UNC45A: variants seen among roughly 807,000 people sequenced by gnomAD.
The protein encoded by UNC45A is protein unc-45 homolog A.
A neutral mutation model predicts 103.2 loss-of-function variants in UNC45A; 78 were observed. The ratio of observed to expected loss-of-function variants is 0.76; its 90% CI spans 0.63 to 0.91. The LOEUF is 0.91. Ranked by LOEUF, UNC45A falls within the 40% of genes least tolerant of loss-of-function variation. The pLI is 0.00. For synonymous variants in UNC45A, 495 were observed against 504.6 expected, an observed-to-expected ratio of 0.98 and a Z score of 0.25; for missense variants, 1,193 against 1,224.8, an observed-to-expected ratio of 0.97 and a Z score of 0.39.
At chr15:90,932,031 C>T (rs1445227397), upstream of UNC45A, 1 of 1,613,966 alleles carries the variant, frequency 6.2e-7, no homozygotes, top group Non-Finnish European at 8.5e-7. Flanking sequence ...TCCCAGGCTC[C>T]TGGCAGAGAA....
chr15:90,937,156 G>A (rs2036062901), intron 4 of UNC45A, among the ~76,000 whole-genome samples: 1 of 152,108 alleles, frequency 6.6e-6, no homozygotes, highest in South Asian at 2.1e-4. Context: ...GACCAGCCTG[G>A]GCAACATAGT....
At chr15:90,940,549 C>G (rs2036241575) in intron 6 of UNC45A, 76 bp downstream of exon 6, 1 of 1,529,760 alleles carries the variant, frequency 6.5e-7, no homozygotes, top group African/African-American at 1.4e-5. Context: ...ATCCACCCAT[C>G]TGTCCATCCG....
chr15:90,932,009 C>G, upstream of UNC45A: 1 of 1,613,952 alleles, frequency 6.2e-7, no homozygotes, highest in South Asian at 1.1e-5. Flanking sequence ...TGAATGGGGC[C>G]CCTAATCCCC....
chr15:90,945,178 C>T (rs540471656), intron 9 of UNC45A, 115 bp downstream of exon 9: 8 of 1,398,492 alleles, frequency 5.7e-6, no homozygotes, highest in Non-Finnish European at 7.7e-6. Flanking sequence ...TTGGGGAGGA[C>T]TAGTTGGAGG....
chr15:90,951,162 C>T lies in UNC45A; in HGVS notation c.2303+547C>T, dbSNP rs182050303. 2.8e-4 allele frequency among the ~76,000 whole-genome samples: 43 copies of T among 152,248 alleles called. 1 individual carries two copies. The East Asian group carries it at 4.4e-3, about 16-fold the overall frequency. ...AGCTGGGATTATAGGCACGTGCTAC[C>T]GCGCCTGGCTAATTTTTGTATTTTT... On this transcript the variant is annotated intron_variant, in intron 17 of 19. Transcript: ENST00000418476.
At chr15:90,950,730 A>G (rs1050768551) in intron 17 of UNC45A, 115 bp downstream of exon 17, 57 of 1,043,658 alleles carry the variant, frequency 5.5e-5, no homozygotes, top group Non-Finnish European at 7.8e-5. Flanking sequence ...TGAGCCTCAC[A>G]GTGACTGCTC....
Position 90,950,563 on chromosome 15 carries a change from T to G in UNC45A, c.2251T>G (p.Phe751Val). 6.2e-7 allele frequency: 1 copy of G among 1,614,166 alleles called. No individual in the cohort carries two copies. The highest frequency in any genetic ancestry group is 8.5e-7 in the Non-Finnish European group (1 of 1,180,006). The change falls in exon 17 of 20, where the codon TTC becomes GTC. Residue 751 changes from phenylalanine (F) to valine (V), a missense_variant. Coordinates refer to ENST00000418476, the MANE Select transcript of UNC45A (RefSeq NM_018671.5). ...CCTCAACTGCTCAGGCCTGCAGAAC[T>G]TCGAGGCGCTCATGGCCCTAACAAA... ...LHLNCSGLQN[F>V]EALMALTNLA...
chr15:90,949,331 G>A lies in UNC45A; in HGVS notation c.1894G>A (p.Val632Met), dbSNP rs780249854. The change falls in exon 14 of 20, where the codon GTG (valine) becomes ATG (methionine). Residue 632 changes from valine (V) to methionine (M), a missense_variant. By Grantham distance (21) the Val-to-Met change is conservative. Transcript: ENST00000418476. Reference protein sequence around the residue: ...EQHPKDKPSFVRARVKKLLAA... With the variant: ...EQHPKDKPSFMRARVKKLLAA... ...CCTCCCCCAGGACAAGCCAAGCTTC[G>A]TGCGGGCTCGGGTGAAGAAGCTGCT... 20 of 1,612,388 alleles carry A rather than the reference G, an allele frequency of 1.2e-5. No individual in the cohort carries two copies. Among genetic ancestry groups the A allele is most frequent in the Admixed American group, 1.7e-5 (1 of 59,998 alleles).
chr15:90,930,624 C>G (rs528178203), upstream of UNC45A: 1 of 152,946 alleles, frequency 6.5e-6, no homozygotes, highest in Non-Finnish European at 1.5e-5. Context: ...CCGCCTCGGT[C>G]TCCCAGAGTG....
Position 90,948,456 on chromosome 15 carries a change from C to T in UNC45A, c.1737+173C>T, listed in dbSNP as rs1303159208. 2.4e-6 allele frequency: 3 copies of T among 1,264,602 alleles called. No individual in the cohort carries two copies. The East Asian group carries it at 7.5e-5, about 32-fold the overall frequency. 78.3% of individuals were successfully genotyped at this position (1,264,602 alleles called of 1,614,324 possible). A position where few individuals can be genotyped will look rare whatever the true frequency, so the allele number is the denominator to read the frequency against. ...TGTTGGCCAGCACCAGTGGTGTTAG[C>T]AAGGACGTTCTTCTTGGAGGAGCTG... On this transcript the variant is annotated intron_variant, in intron 12 of 19. Transcript: ENST00000418476.
Position 90,942,979 on chromosome 15 carries a change from T to C in UNC45A, c.924T>C (p.Ser308=). ...LLDLLTEVGV[S]GQGRDNALTL... is the part of the protein sequence containing the mutation. ...ATCTGCTGACAGAGGTGGGGGTCTCTGGCCAAGGCCGAGACAATGCCCTGA... is the reference window on the plus strand; with the variant it reads ...ATCTGCTGACAGAGGTGGGGGTCTCCGGCCAAGGCCGAGACAATGCCCTGA... Residue 308 remains serine (S), a synonymous_variant, in exon 8 of 20, where the codon TCT becomes TCC. Coordinates refer to ENST00000418476, the MANE Select transcript of UNC45A (RefSeq NM_018671.5). 6.2e-7 allele frequency: 1 copy of C among 1,614,174 alleles called. No individual in the cohort carries two copies. The highest frequency in any genetic ancestry group is 1.1e-5 in the South Asian group (1 of 91,086).
Position 90,950,588 on chromosome 15 carries a change from A to T in UNC45A, c.2276A>T (p.Asn759Ile). The T allele has an allele frequency of 1.2e-6, 2 of 1,614,112 alleles. No homozygotes were observed. Among genetic ancestry groups the T allele is most frequent in the Non-Finnish European group, 1.7e-6 (2 of 1,179,998 alleles). Residue 759 changes from asparagine to isoleucine, a missense_variant, in exon 17 of 20, where the codon AAC becomes ATC. Physicochemically the swap from Asn to Ile is moderately radical, Grantham distance 149. Transcript: ENST00000418476. ...QNFEALMALT[N>I]LAGISERLRQ... ...TTCGAGGCGCTCATGGCCCTAACAA[A>T]CCTGGCTGGGATCAGCGAGAGGCTC...
In UNC45A at chr15:90,940,441, C is replaced by T. The variant is rs776349965; in HGVS notation, c.655C>T (p.Leu219=). ...TDLMLAALRT[L]VGICSEHQSR... ...CCTCATGCTGGCGGCTCTGCGTACG[C>T]TGGTTGGCATTTGCTCTGAGCATCA... Residue 219 remains leucine (L), a synonymous_variant, in exon 6 of 20, where the codon CTG becomes TTG. Transcript: ENST00000418476. 2.5e-6 allele frequency: 4 copies of T among 1,613,942 alleles called. No individual in the cohort carries two copies. The highest frequency in any genetic ancestry group is 3.4e-6 in the Non-Finnish European group (4 of 1,179,868).
chr15:90,939,698 G>A (rs754335645), intron 4 of UNC45A, 33 bp from the exon 5 acceptor site: 17 of 1,611,380 alleles, frequency 1.1e-5, no homozygotes, highest in East Asian at 8.9e-5. Flanking sequence ...GCCAAGAGCC[G>A]TGATTTGTTC....
Position 90,943,075 on chromosome 15 carries a change from C to G in UNC45A, c.1020C>G (p.Ile340Met). 6.2e-7 allele frequency: 1 copy of G among 1,610,344 alleles called. No individual in the cohort carries two copies. The highest frequency in any genetic ancestry group is 8.5e-7 in the Non-Finnish European group (1 of 1,177,998). The stretch of plus-strand genomic sequence containing the variant: ...ACAACAGCCTCACCCTCTGGGTCAT[C>G]GACCAAGGTAGGTGATATAGTTCAC... ...DPNNSLTLWVIDQGLKKILEV... is the reference protein window; with the variant it reads ...DPNNSLTLWVMDQGLKKILEV... The change falls in exon 8 of 20, where the codon ATC becomes ATG. Residue 340 changes from isoleucine (I) to methionine (M), a missense_variant. By Grantham distance (10) the Ile-to-Met change is conservative. Transcript: ENST00000418476.
upstream of UNC45A, chr15:90,935,164 G>A (rs1209923414): frequency 2.9e-6 from 2 of 693,742 alleles, no homozygotes; most frequent in African/African-American, 3.6e-5. Context: ...AGAGCCAAGC[G>A]CCCCGCCCCT....
At chr15:90,939,347 G>T (rs144973028) in intron 4 of UNC45A, among the ~76,000 whole-genome samples, 96 of 152,314 alleles carry the variant, frequency 6.3e-4, no homozygotes, top group Middle Eastern at 3.4e-3. Context: ...ACTACCTCAC[G>T]ATCTGCCAGC....
intron 17 of UNC45A, 123 bp from the exon 18 acceptor site, chr15:90,952,806 C>T (rs1160393638): frequency 2.5e-6 from 2 of 815,956 alleles, no homozygotes; most frequent in African/African-American, 1.7e-5. Context: ...AGGGACCCAT[C>T]CCATGACCCA....
upstream of UNC45A, chr15:90,930,355 C>A (rs890362632): frequency 3.3e-5 from 5 of 152,312 alleles, no homozygotes; most frequent in African/African-American, 1.2e-4. Context: ...GCACTCCCTT[C>A]CGATACGTCT....
Sources: allele counts gnomAD v4.1 joint callset (sites outside exome capture counted in the v4.1 genomes callset), GRCh38; gene constraint gnomAD v4.1.1; transcripts MANE v1.5; gene names NCBI Gene and HGNC (gene_info 2026-07-23, HGNC 2026-07-21).